MRPL48: variants seen among roughly 807,000 people sequenced by gnomAD.
MRPL48 encodes mitochondrial ribosomal protein L48.
MRPL48 carries 16 observed loss-of-function variants against 32.9 expected under a neutral mutation model. The ratio of observed to expected loss-of-function variants is 0.49; its 90% confidence interval spans 0.33 to 0.74. The LOEUF (loss-of-function observed/expected upper bound fraction) is 0.74, where lower values mean the gene tolerates loss of function less well. MRPL48 is among the 30% of genes least tolerant of loss of function. The pLI, the probability that MRPL48 is intolerant of heterozygous loss-of-function variation, is 0.02. For missense variants in MRPL48, 206 were observed against 245.3 expected (o/e 0.84, Z 1.07); for synonymous variants, 94 against 89.2 (o/e 1.05, Z -0.31).
chr11:73,863,241 G>T lies in MRPL48; in HGVS notation c.544G>T (p.Val182Phe). The change falls in exon 7 of 8, where the codon GTC becomes TTC. Residue 182 changes from valine (V) to phenylalanine (F), a missense_variant. Val to Phe is a conservative substitution (Grantham distance 50, BLOSUM62 -1). Coordinates refer to ENST00000310614, the MANE Select transcript of MRPL48 (RefSeq NM_016055.6). ...AATCCAAAGCAGTCTTCCTGAAGGAGTCAGACTGTCAGTGAAGGAGGTAGG... is the reference window on the plus strand; with the variant it reads ...AATCCAAAGCAGTCTTCCTGAAGGATTCAGACTGTCAGTGAAGGAGGTAGG... ...EIIQSSLPEG[V>F]RLSVKEHTEE... The T allele has an allele frequency of 6.4e-7, 1 of 1,567,222 alleles. No individual in the cohort carries two copies. The highest frequency in any genetic ancestry group is 8.7e-7 in the Non-Finnish European group (1 of 1,155,482).
intron 5 of MRPL48, chr11:73,850,797 T>C (rs79815295): frequency 0.053 from 11,744 of 222,120 alleles, 350 homozygotes; most frequent in Middle Eastern, 0.083. Flanking sequence ...CTGCCTCAGC[T>C]TCCTGAGTAG....
Position 73,829,153 on chromosome 11 carries a change from G to A in MRPL48, c.201+3357G>A, listed in dbSNP as rs577955611. Among the ~76,000 whole-genome samples, 10 of 152,128 alleles carry A rather than the reference G, an allele frequency of 6.6e-5. No individual in the cohort carries two copies. In the East Asian group the frequency reaches 1.9e-3, roughly 29 times the overall value. On this transcript the variant is annotated intron_variant, in intron 4 of 7. Transcript: ENST00000310614. ...GGATACCACGCTTTAACTGTATTGG[G>A]CCTTTTGTTTTTCCTCCAAGTCATT...
chr11:73,811,408 T>G (rs1947563977), intron 3 of MRPL48, among the ~76,000 whole-genome samples: 1 of 152,022 alleles, frequency 6.6e-6, no homozygotes, highest in South Asian at 2.1e-4. Context: ...AATAAAATAT[T>G]GGCAGGAACT....
chr11:73,857,937 T>C (rs10898947), intron 5 of MRPL48, among the ~76,000 whole-genome samples: 13,001 of 152,190 alleles, frequency 0.085, 667 homozygotes, highest in South Asian at 0.26. Flanking sequence ...AGGCTGTTAG[T>C]AAATATTTGT....
At chr11:73,806,975 T>C (rs1761493817) in intron 2 of MRPL48, among the ~76,000 whole-genome samples, 1 of 152,142 alleles carries the variant, frequency 6.6e-6, no homozygotes, top group African/African-American at 2.4e-5. Flanking sequence ...GTTCAAGCAA[T>C]CCTCCTGCCT....
chr11:73,830,753 C>G (rs1435402006), intron 4 of MRPL48, among the ~76,000 whole-genome samples: 2 of 152,082 alleles, frequency 1.3e-5, no homozygotes, highest in African/African-American at 4.8e-5. Context: ...TCGAAAGGTC[C>G]CACACTCAGT....
intron 4 of MRPL48, among the ~76,000 whole-genome samples, chr11:73,830,491 C>T (rs1038652142): frequency 6.6e-6 from 1 of 152,174 alleles, no homozygotes; most frequent in African/African-American, 2.4e-5. Flanking sequence ...GTCCTGAGTT[C>T]CTGTCTCTTA....
Position 73,795,105 on chromosome 11 carries a change from G to A in MRPL48, c.21+7113G>A, listed in dbSNP as rs530373115. On this transcript the variant is annotated intron_variant, in intron 1 of 7. Transcript: ENST00000310614. ...TTTTTTGTATTTTTTTAGTAGAGAC[G>A]GGGTCTCACCGTGTTGCCCAGGCTG... Among the ~76,000 whole-genome samples, 26 of 151,766 alleles carry A rather than the reference G, an allele frequency of 1.7e-4. No individual in the cohort carries two copies. The East Asian group carries it at 4.1e-3, about 24-fold the overall frequency.
chr11:73,802,197 C>T (rs929778656), intron 1 of MRPL48: 4 of 152,152 alleles, frequency 2.6e-5, no homozygotes, highest in African/African-American at 9.7e-5. Flanking sequence ...TTGTTCGCAC[C>T]ACCTATTTTG....
intron 4 of MRPL48, among the ~76,000 whole-genome samples, chr11:73,836,365 T>A (rs561721074): frequency 3.9e-5 from 6 of 152,190 alleles, no homozygotes; most frequent in Non-Finnish European, 7.4e-5. Context: ...GCCCAGCTAA[T>A]TTTTTGTATT....
intron 1 of MRPL48, among the ~76,000 whole-genome samples, chr11:73,794,182 C>CTCTATCTATCTA (rs1471876951): frequency 9.9e-6 from 1 of 101,288 alleles, no homozygotes; most frequent in African/African-American, 3.3e-5. Flanking sequence ...GAGTGAGACC[C>CTCTATCTATCTA]TGTATCTATC....
At position 73,808,324 on chromosome 11, in the gene MRPL48, C is replaced by A; in HGVS notation, c.86C>A (p.Ser29Ter). The A allele has an allele frequency of 1.2e-6, 2 of 1,608,316 alleles. No individual in the cohort carries two copies. The highest frequency in any genetic ancestry group is 1.7e-6 in the Non-Finnish European group (2 of 1,176,736). The change falls in exon 3 of 8, where the codon TCA (serine) becomes TAA (stop). Residue 29 changes from serine to a stop codon, truncating the protein, a stop_gained. Coordinates refer to ENST00000310614, the MANE Select transcript of MRPL48 (RefSeq NM_016055.6). LOFTEE classifies it high-confidence loss of function. ...CTCCCTCCTTTTAGGTTTAGAACTT[C>A]AGGAGAGAAGCCCATCTATTCTGTA... is the stretch of plus-strand genomic sequence containing the variant. ...QAFSLLRFRT[S>*]GEKPIYSVGG...
At chr11:73,848,823 T>G (rs1948341002) in intron 5 of MRPL48, among the ~76,000 whole-genome samples, 1 of 152,020 alleles carries the variant, frequency 6.6e-6, no homozygotes, top group South Asian at 2.1e-4. Flanking sequence ...TTGTAATTTT[T>G]TTTTTTTAAT....
chr11:73,826,193 A>AT (rs1027860910), intron 4 of MRPL48, among the ~76,000 whole-genome samples: 1 of 151,302 alleles, frequency 6.6e-6, no homozygotes, highest in African/African-American at 2.4e-5. Context: ...ATTAAAAAAA[A>AT]TTTTTTTATA....
intron 7 of MRPL48, 22 bp downstream of exon 7, chr11:73,863,283 G>A: frequency 6.5e-7 from 1 of 1,529,508 alleles, no homozygotes; most frequent in Non-Finnish European, 8.9e-7. Flanking sequence ...TTTGAGAAGA[G>A]GCCCCTGCTG....
chr11:73,838,100 C>T, intron 4 of MRPL48, among the ~76,000 whole-genome samples: 1 of 152,216 alleles, frequency 6.6e-6, no homozygotes, highest in East Asian at 1.9e-4. Context: ...GGTCCGCCTG[C>T]CTCGGCCTCC....
chr11:73,824,640 A>G (rs986795262), intron 3 of MRPL48, among the ~76,000 whole-genome samples: 3 of 151,992 alleles, frequency 2.0e-5, no homozygotes, highest in African/African-American at 7.2e-5. Flanking sequence ...TTTGCTGGCT[A>G]TTTTTGCTGC....
At chr11:73,796,939 C>T (rs1452592913) in intron 1 of MRPL48, among the ~76,000 whole-genome samples, 2 of 152,090 alleles carry the variant, frequency 1.3e-5, no homozygotes, top group Admixed American at 1.3e-4. Flanking sequence ...TGGTGGTGGG[C>T]GCCTGTAATC....
intron 5 of MRPL48, among the ~76,000 whole-genome samples, chr11:73,855,044 T>C (rs532461425): frequency 2.4e-4 from 37 of 152,304 alleles, no homozygotes; most frequent in African/African-American, 8.9e-4. Flanking sequence ...AGCTATTATA[T>C]ATAATGTACA....
Sources: gnomAD v4.1 joint callset for allele counts (sites outside exome capture counted in the v4.1 genomes callset) on GRCh38, gnomAD v4.1.1 for gene constraint, MANE v1.5 for transcripts, NCBI Gene and HGNC (gene_info 2026-07-23, HGNC 2026-07-21) for gene names.